The following LRRK2 variants were observed in gnomAD, a reference collection of about 807,000 sequenced individuals.
LRRK2 encodes leucine rich repeat kinase 2.
In LRRK2, 203 loss-of-function variants were observed where a neutral mutation model predicts 302.6. That is an observed-to-expected ratio of 0.67 (90% confidence interval 0.60 to 0.75). LRRK2 has a LOEUF of 0.75. Ranked by LOEUF, LRRK2 falls within the 30% of genes least tolerant of loss-of-function variation. The pLI is 0.00. For synonymous variants in LRRK2, 1,066 were observed against 1,031.9 expected (o/e 1.03, Z -0.63); for missense variants, 2,830 against 2,951.0 (o/e 0.96, Z 0.95).
In LRRK2 at chr12:40,322,046, C is replaced by T. The variant is rs201292708; in HGVS notation, c.5182C>T (p.Arg1728Cys). The T allele has an allele frequency of 1.1e-5, 17 of 1,613,102 alleles. No individual in the cohort carries two copies. The highest frequency in any genetic ancestry group is 1.6e-4 in the Middle Eastern group (1 of 6,082). Residue 1728 changes from arginine (R) to cysteine (C), a missense_variant, in exon 36 of 51, where the codon CGC (arginine) becomes TGC (cysteine). Arg to Cys is a radical substitution (Grantham distance 180). Coordinates refer to ENST00000298910, the MANE Select transcript of LRRK2 (RefSeq NM_198578.4). ...GCTCCATTTTTTAGAACGAGCACTT[C>T]GCCCAAACAGAATGTATTGGCGACA... The part of the protein sequence containing the change: ...YMLSGRERAL[R>C]PNRMYWRQGI...
chr12:40,242,601 T>C (rs1256786504), intron 6 of LRRK2, among the ~76,000 whole-genome samples: 1 of 151,856 alleles, frequency 6.6e-6, no homozygotes, highest in Non-Finnish European at 1.5e-5. Flanking sequence ...CCTTCTGGAA[T>C]GGAGGAAACA....
At chr12:40,340,190 T>A in intron 40 of LRRK2, 104 bp from the exon 41 acceptor site, 2 of 1,188,592 alleles carry the variant, frequency 1.7e-6, no homozygotes, top group South Asian at 2.8e-5. Context: ...AGCACAGAAT[T>A]TTTGATGCTT....
chr12:40,232,576 A>T lies in LRRK2; in HGVS notation c.347+193A>T, dbSNP rs1352877. On this transcript the variant is annotated intron_variant, in intron 3 of 50. Transcript: ENST00000298910. Reference sequence around the variant, plus strand: ...ACTCAGAAGTTTGATTTAGAAAGCAAACATTTAAGGTAACATGTCAGAAGT... The same window carrying T: ...ACTCAGAAGTTTGATTTAGAAAGCATACATTTAAGGTAACATGTCAGAAGT... 13,067 of 551,062 alleles carry T rather than the reference A, an allele frequency of 0.024. 199 individuals are homozygous for T. Among genetic ancestry groups the T allele is most frequent in the Non-Finnish European group, 0.032 (9,916 of 310,474 alleles). The allele number at this position is 551,062 out of a possible 1,614,324, so 34.1% of individuals were successfully genotyped here. A position where few individuals can be genotyped will look rare whatever the true frequency, so the allele number is the denominator to read the frequency against.
rs1592286384 is a variant in LRRK2, at chr12:40,322,063, T to C, written c.5199T>C (p.Tyr1733=). The change falls in exon 36 of 51, where the codon TAT becomes TAC. Residue 1733 remains tyrosine (Y), a synonymous_variant. Transcript: ENST00000298910. ...RERALRPNRM[Y]WRQGIYLNWS... ...GAGCACTTCGCCCAAACAGAATGTATTGGCGACAAGGCATTTACTTAAATT... is the reference window on the plus strand; with the variant it reads ...GAGCACTTCGCCCAAACAGAATGTACTGGCGACAAGGCATTTACTTAAATT... 6.2e-7 allele frequency: 1 copy of C among 1,613,478 alleles called. No homozygotes were observed. Among genetic ancestry groups the C allele is most frequent in the Non-Finnish European group, 8.5e-7 (1 of 1,179,508 alleles).
At chr12:40,304,432 A>C (rs1944740290) in intron 27 of LRRK2, 1 of 410,530 alleles carries the variant, frequency 2.4e-6, no homozygotes, top group Non-Finnish European at 4.3e-6. Flanking sequence ...ACAATATGCT[A>C]TACTTATCAG....
intron 47 of LRRK2, among the ~76,000 whole-genome samples, chr12:40,359,976 T>C (rs1452301150): frequency 6.6e-6 from 1 of 152,200 alleles, no homozygotes; most frequent in African/African-American, 2.4e-5. Context: ...TATAAACCTC[T>C]TTCAAGTTTG....
chr12:40,263,541 TA>T (rs1290573902), intron 13 of LRRK2, among the ~76,000 whole-genome samples: 1 of 152,210 alleles, frequency 6.6e-6, no homozygotes, highest in Non-Finnish European at 1.5e-5. Context: ...TTCACCATCG[TA>T]ATTTTTTGCT....
At chr12:40,288,423 G>A (rs1261498139) in intron 20 of LRRK2, among the ~76,000 whole-genome samples, 1 of 151,274 alleles carries the variant, frequency 6.6e-6, no homozygotes, top group Non-Finnish European at 1.5e-5. Flanking sequence ...CCCTTCCCCT[G>A]GCCCCCCTGA....
chr12:40,237,450 T>A (rs1264001523), intron 4 of LRRK2, among the ~76,000 whole-genome samples: 1 of 152,152 alleles, frequency 6.6e-6, no homozygotes, highest in Non-Finnish European at 1.5e-5. Flanking sequence ...TCAAAAGGAA[T>A]CTTCAAGATG....
chr12:40,321,183 G>GGA lies in LRRK2; in HGVS notation c.5169_5170dup (p.Arg1725AsnfsTer17). The stretch of plus-strand genomic sequence containing the variant: ...GAGATTTCACCTTACATGCTTTCAG[G>GGA]GAGAGGTAAGTATCTAATGAAGACT... On this transcript the variant is annotated frameshift_variant, in exon 35 of 51. Coordinates refer to ENST00000298910, the MANE Select transcript of LRRK2 (RefSeq NM_198578.4). LOFTEE classifies it high-confidence loss of function. 6.2e-7 allele frequency: 1 copy of GGA among 1,611,218 alleles called. No homozygotes were observed. Among genetic ancestry groups the GGA allele is most frequent in the East Asian group, 2.2e-5 (1 of 44,792 alleles).
In LRRK2 at chr12:40,351,581, A is replaced by G. The variant is rs1014412473; in HGVS notation, c.6424A>G (p.Arg2142Gly). Reference protein sequence around the residue: ...LNSAELVCLTRRILLPKNVIV... With the variant: ...LNSAELVCLTGRILLPKNVIV... ...TTCAGCTGAATTAGTCTGTCTGACG[A>G]GACGCATTTTATTACCTAAAAACGT... Residue 2142 changes from arginine (R) to glycine (G), a missense_variant, in exon 44 of 51, where the codon AGA (arginine) becomes GGA (glycine). This residue lies in a region of LRRK2 where 456 missense variants were observed against 456.3 expected (regional missense o/e 1.00). Coordinates refer to ENST00000298910, the MANE Select transcript of LRRK2 (RefSeq NM_198578.4). The G allele has an allele frequency of 2.5e-6, 4 of 1,614,100 alleles. No homozygotes were observed. The African/African-American group carries it at 4.0e-5, about 16-fold the overall frequency.
At position 40,278,075 on chromosome 12, in the gene LRRK2, T is replaced by C; in HGVS notation, c.2071-16T>C. 3 of 1,614,008 alleles carry C rather than the reference T, an allele frequency of 1.9e-6. No homozygotes were observed. The highest frequency in any genetic ancestry group is 2.5e-6 in the Non-Finnish European group (3 of 1,179,982). The stretch of plus-strand genomic sequence containing the variant: ...TGTATTTATCTGACTCTAATTCTCA[T>C]TTCCACTCTTTTTAGTTTCTAAACC... On this transcript the variant is annotated splice_polypyrimidine_tract_variant and intron_variant, in intron 17 of 50. Transcript: ENST00000298910.
At chr12:40,331,161 T>C (rs1386033338) in intron 39 of LRRK2, among the ~76,000 whole-genome samples, 4 of 152,204 alleles carry the variant, frequency 2.6e-5, no homozygotes, top group Non-Finnish European at 5.9e-5. Flanking sequence ...TGACTTCGTA[T>C]GAAGTAAGTA....
chr12:40,226,514 A>G (rs960041266), intron 2 of LRRK2, among the ~76,000 whole-genome samples: 8 of 152,196 alleles, frequency 5.3e-5, no homozygotes, highest in African/African-American at 1.9e-4. Flanking sequence ...AGGCATCTCA[A>G]TCTTTAAAGT....
intron 7 of LRRK2, among the ~76,000 whole-genome samples, chr12:40,247,016 C>A (rs530747234): frequency 2.6e-5 from 4 of 152,030 alleles, no homozygotes; most frequent in Non-Finnish European, 5.9e-5. Context: ...GACATTTTCT[C>A]AAAAGGATAA....
rs1316275017 is a variant in LRRK2, at chr12:40,319,970, A to G, written c.4828-18A>G. 6.3e-7 allele frequency: 1 copy of G among 1,598,986 alleles called. No individual in the cohort carries two copies. The highest frequency in any genetic ancestry group is 8.5e-7 in the Non-Finnish European group (1 of 1,172,958). On this transcript the variant is annotated intron_variant, in intron 33 of 50. Transcript: ENST00000298910. ...AGAAAATAAATTTTAGTGATTATTT[A>G]TGACTCGAATCTTTCAGATTTTGAC...
At chr12:40,355,141 T>C (rs1217474032) in intron 45 of LRRK2, among the ~76,000 whole-genome samples, 1 of 152,132 alleles carries the variant, frequency 6.6e-6, no homozygotes, top group Admixed American at 6.6e-5. Context: ...GGAAAAAAAG[T>C]ACTAGAAAAA....
intron 24 of LRRK2, among the ~76,000 whole-genome samples, chr12:40,298,763 A>C (rs1233825360): frequency 7.8e-6 from 1 of 128,728 alleles, no homozygotes; most frequent in South Asian, 2.4e-4. Context: ...CAGAGGCGAG[A>C]CTCTGTCTCA....
intron 14 of LRRK2, among the ~76,000 whole-genome samples, chr12:40,268,237 G>GT (rs1565696073): frequency 1.3e-5 from 2 of 152,008 alleles, no homozygotes; most frequent in African/African-American, 4.8e-5. Context: ...TTTTATATGC[G>GT]GTGACACTCC....
Sources: allele counts gnomAD v4.1 joint callset (sites outside exome capture counted in the v4.1 genomes callset), GRCh38; gene constraint gnomAD v4.1.1; regional missense constraint gnomAD v4.1.1; transcripts MANE v1.5; gene names NCBI Gene and HGNC (gene_info 2026-07-23, HGNC 2026-07-21).